Variants in SEPTIN10 observed in about 807,000 individuals in gnomAD.
SEPTIN10 encodes septin-10.
SEPTIN10 carries 66 observed loss-of-function variants against 54.8 expected under a neutral mutation model. That is an observed-to-expected ratio of 1.21 (90% CI 0.99 to 1.48). The LOEUF is 1.48. SEPTIN10 is among the 40% of genes most tolerant of loss of function. SEPTIN10 has a pLI of 0.00. For missense variants in SEPTIN10, 620 were observed against 545.6 expected, an observed-to-expected ratio of 1.14 and a Z score of -1.36; for synonymous variants, 161 against 181.0, an observed-to-expected ratio of 0.89 and a Z score of 0.89.
Position 109,574,711 on chromosome 2 carries a change from T to G in SEPTIN10, c.470A>C (p.Glu157Ala). The change falls in exon 5 of 11, where the codon GAA becomes GCA. Residue 157 changes from glutamate (E) to alanine (A), a missense_variant. Coordinates refer to ENST00000397712, the MANE Select transcript of SEPTIN10 (RefSeq NM_144710.5). ...DAQFEAYLQE[E>A]LKIKRSLFTY... Reference sequence around the variant, plus strand: ...AAAGAGAGAACGCTTAATCTTCAGTTCTTCTTGGAGATAGGCCTCAAACTG... The same window carrying G: ...AAAGAGAGAACGCTTAATCTTCAGTGCTTCTTGGAGATAGGCCTCAAACTG... The G allele has an allele frequency of 6.2e-7, 1 of 1,606,316 alleles. No homozygotes were observed.
chr2:109,570,899 T>C (rs1405185758), intron 5 of SEPTIN10, among the ~76,000 whole-genome samples: 1 of 152,174 alleles, frequency 6.6e-6, no homozygotes, highest in Non-Finnish European at 1.5e-5. Context: ...TATACAGTCA[T>C]GTGTGGCTTA....
intron 8 of SEPTIN10, among the ~76,000 whole-genome samples, chr2:109,563,212 A>G (rs1336299888): frequency 6.6e-6 from 1 of 152,208 alleles, no homozygotes; most frequent in Admixed American, 6.5e-5. Context: ...ACACCCGGCC[A>G]TAAGTATATA....
intron 4 of SEPTIN10, among the ~76,000 whole-genome samples, chr2:109,579,310 T>C (rs570099503): frequency 1.3e-5 from 2 of 152,154 alleles, no homozygotes; most frequent in Non-Finnish European, 2.9e-5. Flanking sequence ...CCCCAGGCAC[T>C]GATTTTTTTT....
At chr2:109,573,370 CTTGTTT>C (rs1688832613) in intron 5 of SEPTIN10, among the ~76,000 whole-genome samples, 1 of 152,212 alleles carries the variant, frequency 6.6e-6, no homozygotes, top group Admixed American at 6.5e-5. Context: ...ACTGCACACT[CTTGTTT>C]TTATGTTCCT....
At chr2:109,594,547 T>A (rs1424818957) in intron 1 of SEPTIN10, 14 of 151,736 alleles carry the variant, frequency 9.2e-5, no homozygotes, top group East Asian at 1.9e-4. Flanking sequence ...CAGCACAGTG[T>A]TCTCCTCTGT....
At chr2:109,582,954 C>A (rs1691579053) in intron 4 of SEPTIN10, among the ~76,000 whole-genome samples, 1 of 152,106 alleles carries the variant, frequency 6.6e-6, no homozygotes, top group Non-Finnish European at 1.5e-5. Flanking sequence ...ATAAATGGTG[C>A]TAGGATAACT....
chr2:109,545,983 G>A, intron 10 of SEPTIN10, 67 bp downstream of exon 10: 1 of 1,509,270 alleles, frequency 6.6e-7, no homozygotes, highest in Non-Finnish European at 8.8e-7. Flanking sequence ...GAAGCGCTAG[G>A]AAGATCCGAC....
At chr2:109,606,082 T>C (rs1329975779) in intron 1 of SEPTIN10, among the ~76,000 whole-genome samples, 1 of 152,130 alleles carries the variant, frequency 6.6e-6, no homozygotes, top group Non-Finnish European at 1.5e-5. Context: ...TCCAAAAAAC[T>C]AGAGATAACA....
Position 109,565,825 on chromosome 2 carries a change from T to A in SEPTIN10, c.797A>T (p.Asp266Val). The A allele has an allele frequency of 6.2e-7, 1 of 1,614,064 alleles. No individual in the cohort carries two copies. Among genetic ancestry groups the A allele is most frequent in the Non-Finnish European group, 8.5e-7 (1 of 1,179,996 alleles). ...QLPFAVVGSMDEVKVGNKMVK... is the reference protein window; with the variant it reads ...QLPFAVVGSMVEVKVGNKMVK... The stretch of plus-strand genomic sequence containing the variant: ...CATCTTGTTTCCGACTTTTACCTCA[T>A]CCATACTTCCCACAACAGCAAACGG... Residue 266 changes from aspartate (D) to valine (V), a missense_variant, in exon 7 of 11, where the codon GAT (aspartate) becomes GTT (valine). Transcript: ENST00000397712.
chr2:109,598,528 A>C lies in SEPTIN10; in HGVS notation c.31-5409T>G, dbSNP rs180871642. Among the ~76,000 whole-genome samples the C allele has an allele frequency of 3.9e-5, 6 of 152,294 alleles. No individual in the cohort carries two copies. The East Asian group carries it at 1.2e-3, about 29-fold the overall frequency. On this transcript the variant is annotated intron_variant, in intron 1 of 10. Coordinates refer to ENST00000397712, the MANE Select transcript of SEPTIN10 (RefSeq NM_144710.5). The stretch of plus-strand genomic sequence containing the variant: ...TGAGCGAGAGCGAGAGAGAACAAAA[A>C]GCAAAAAGTGGCCTAAATAATTATC...
rs751895593 is a variant in SEPTIN10 at position 109,579,259 on chromosome 2, A to C, written c.414-4492T>G. On this transcript the variant is annotated intron_variant, in intron 4 of 10. Transcript: ENST00000397712. ...TAAAACCAACTCTGAATTGTCCTAT[A>C]ATCATTTTTTAAAAATTAAACTCAA... Among the ~76,000 whole-genome samples the C allele has an allele frequency of 2.0e-5, 3 of 152,202 alleles. No individual in the cohort carries two copies. The East Asian group carries it at 5.8e-4, about 29-fold the overall frequency.
At chr2:109,567,011 A>G (rs879289613) in intron 6 of SEPTIN10, among the ~76,000 whole-genome samples, 1 of 152,004 alleles carries the variant, frequency 6.6e-6, no homozygotes, top group East Asian at 1.9e-4. Context: ...CATTTACATT[A>G]GTCAGTTTTT....
chr2:109,613,713 AC>A (rs1699818785), intron 1 of SEPTIN10, 84 bp downstream of exon 1: 1 of 915,472 alleles, frequency 1.1e-6, no homozygotes, highest in African/African-American at 1.7e-5. Context: ...CCCGGGCCGG[AC>A]CAGGGGGCCG....
intron 9 of SEPTIN10, among the ~76,000 whole-genome samples, chr2:109,546,916 T>C (rs1238799205): frequency 6.6e-6 from 1 of 152,216 alleles, no homozygotes; most frequent in Non-Finnish European, 1.5e-5. Context: ...ATACATTTGA[T>C]GCAGCTGTAG....
At chr2:109,589,996 T>C (rs1202997507) in intron 2 of SEPTIN10, among the ~76,000 whole-genome samples, 1 of 151,680 alleles carries the variant, frequency 6.6e-6, no homozygotes, top group East Asian at 1.9e-4. Context: ...ATTATGTGCA[T>C]TTTTCACATA....
At chr2:109,585,423 G>T in intron 3 of SEPTIN10, 102 bp from the exon 4 acceptor site, 1 of 989,394 alleles carries the variant, frequency 1.0e-6, no homozygotes, top group Non-Finnish European at 1.5e-6. Flanking sequence ...ATATTTCAAA[G>T]GCCAGGGTGC....
chr2:109,584,844 C>T lies in SEPTIN10; in HGVS notation c.413+282G>A, dbSNP rs543870629. On this transcript the variant is annotated intron_variant, in intron 4 of 10. Coordinates refer to ENST00000397712, the MANE Select transcript of SEPTIN10 (RefSeq NM_144710.5). ...CCTGAAAATTAGTATAATTAATATACACTGAATTTGCATGTCAGGAAATAA... is the reference window on the plus strand; with the variant it reads ...CCTGAAAATTAGTATAATTAATATATACTGAATTTGCATGTCAGGAAATAA... Among the ~76,000 whole-genome samples the T allele has an allele frequency of 3.5e-3, 535 of 152,176 alleles. 5 individuals are homozygous for T. Among genetic ancestry groups the T allele is most frequent in the African/African-American group, 0.012 (517 of 41,508 alleles).
At position 109,613,919 on chromosome 2, in the gene SEPTIN10, A is replaced by G; in HGVS notation, c.-92T>C. The G allele has an allele frequency of 1.6e-6, 2 of 1,213,106 alleles. No individual in the cohort carries two copies. The highest frequency in any genetic ancestry group is 2.0e-6 in the Non-Finnish European group (2 of 976,138). The allele number at this position is 1,213,106 out of a possible 1,614,324, so 75.1% of individuals were successfully genotyped here. A position where few individuals can be genotyped will look rare whatever the true frequency, so the allele number is the denominator to read the frequency against. On this transcript the variant is annotated 5_prime_UTR_variant, in exon 1 of 11. Transcript: ENST00000397712. ...GGCGGCGGGAAGGCCGGAGGGCAGA[A>G]GCAACGGGCGGGGCGCGAGGCTAGG...
At chr2:109,568,409 T>C (rs1271011023) in intron 5 of SEPTIN10, among the ~76,000 whole-genome samples, 1 of 149,902 alleles carries the variant, frequency 6.7e-6, no homozygotes, top group African/African-American at 2.5e-5. Flanking sequence ...AGTCTCGCTG[T>C]AACCCAGGCT....
Sources: allele counts gnomAD v4.1 joint callset (sites outside exome capture counted in the v4.1 genomes callset), GRCh38; gene constraint gnomAD v4.1.1; transcripts MANE v1.5; gene names NCBI Gene and HGNC (gene_info 2026-07-23, HGNC 2026-07-21).